The following TRIM33 variants were observed in gnomAD, a reference collection of about 807,000 sequenced individuals.
TRIM33 encodes E3 ubiquitin-protein ligase TRIM33.
In TRIM33, 20 loss-of-function variants were observed where a neutral mutation model predicts 125.4. The ratio of observed to expected loss-of-function variants is 0.16; its 90% confidence interval spans 0.11 to 0.23. The LOEUF (loss-of-function observed/expected upper bound fraction) is 0.23, where lower values mean the gene tolerates loss of function less well. Ranked by LOEUF, TRIM33 falls within the 10% of genes least tolerant of loss-of-function variation. The pLI is 1.00. For synonymous variants in TRIM33, 564 were observed against 513.9 expected (o/e 1.10, Z -1.32); for missense variants, 920 against 1,411.4 (o/e 0.65, Z 5.58).
At chr1:114,471,361 A>C (rs1237640886) in intron 1 of TRIM33, among the ~76,000 whole-genome samples, 1 of 151,934 alleles carries the variant, frequency 6.6e-6, no homozygotes, top group African/African-American at 2.4e-5. Flanking sequence ...GAACTGCTTG[A>C]ACCCAGGAGG....
At position 114,399,528 on chromosome 1, in the gene TRIM33, G is replaced by T. The variant is rs1217230832; in HGVS notation, c.3049C>A (p.His1017Asn). 5 of 1,613,236 alleles carry T rather than the reference G, an allele frequency of 3.1e-6. No individual in the cohort carries two copies. The highest frequency in any genetic ancestry group is 4.2e-6 in the Non-Finnish European group (5 of 1,179,482). Residue 1017 changes from histidine (H) to asparagine (N), a missense_variant, in exon 18 of 20, where the codon CAC becomes AAC. His to Asn is a moderately conservative substitution (Grantham distance 68). Coordinates refer to ENST00000358465, the MANE Select transcript of TRIM33 (RefSeq NM_015906.4). ...ACAAAGTCATCCGGGATTTGGTAGTGTTGGGAATGTTTTTTCTGAAGCTTC... is the reference window on the plus strand; with the variant it reads ...ACAAAGTCATCCGGGATTTGGTAGTTTTGGGAATGTTTTTTCTGAAGCTTC... ...KKKLQKKHSQHYQIPDDFVAD... is the reference protein window; with the variant it reads ...KKKLQKKHSQNYQIPDDFVAD...
Position 114,397,589 on chromosome 1 carries a change from G to GTTTTGTTTTTTTTTTT in TRIM33, c.*58_*59insAAAAAAAAAAACAAAA. On this transcript the variant is annotated 3_prime_UTR_variant, in exon 20 of 20. Transcript: ENST00000358465. ...CTTAAAAGTTTTCTGGGTTTTTTGTGTTTTTTTTTTTTTTTTCGTTTTTTT... is the reference window on the plus strand; with the variant it reads ...CTTAAAAGTTTTCTGGGTTTTTTGTGTTTTGTTTTTTTTTTTTTTTTTTTTTTTTTTTCGTTTTTTT... 2 of 637,680 alleles carry GTTTTGTTTTTTTTTTT rather than the reference G, an allele frequency of 3.1e-6. No homozygotes were observed. 39.5% of individuals were successfully genotyped at this position (637,680 alleles called of 1,614,324 possible).
chr1:114,476,059 G>C (rs1375121072), intron 1 of TRIM33, among the ~76,000 whole-genome samples: 2 of 151,774 alleles, frequency 1.3e-5, no homozygotes, highest in African/African-American at 4.8e-5. Context: ...TAGAAGTACA[G>C]TTTTCAAGTG....
intron 1 of TRIM33, among the ~76,000 whole-genome samples, chr1:114,494,160 C>T: frequency 6.6e-6 from 1 of 151,750 alleles, no homozygotes; most frequent in East Asian, 1.9e-4. Flanking sequence ...CAGGGCCTCA[C>T]TATGTTGCCC....
In TRIM33 at chr1:114,396,339, AT is replaced by A; in HGVS notation, c.*1308del. 1 of 204,136 alleles carries A rather than the reference AT, an allele frequency of 4.9e-6. No individual in the cohort carries two copies. Among genetic ancestry groups the A allele is most frequent in the Non-Finnish European group, 1.0e-5 (1 of 99,292 alleles). The allele number at this position is 204,136 out of a possible 1,614,324, so 12.6% of individuals were successfully genotyped here. A position where few individuals can be genotyped will look rare whatever the true frequency, so the allele number is the denominator to read the frequency against. Reference sequence around the variant, plus strand: ...TAACCATTCAAGTGGGGATTGGCTCATTTTCAGGATTTACTTACAGGTCTCT... The same window carrying A: ...TAACCATTCAAGTGGGGATTGGCTCATTTCAGGATTTACTTACAGGTCTCT... On this transcript the variant is annotated 3_prime_UTR_variant, in exon 20 of 20. Transcript: ENST00000358465.
intron 1 of TRIM33, among the ~76,000 whole-genome samples, chr1:114,494,064 C>G (rs1018412009): frequency 2.6e-5 from 4 of 152,106 alleles, no homozygotes; most frequent in African/African-American, 9.7e-5. Context: ...ACCTCGTGAT[C>G]TGCCCACCTT....
chr1:114,454,753 T>C (rs957522791), intron 4 of TRIM33, among the ~76,000 whole-genome samples: 2 of 151,624 alleles, frequency 1.3e-5, no homozygotes, highest in Non-Finnish European at 2.9e-5. Context: ...TACAAGAGAA[T>C]GTTAGGACAG....
rs1467350464 is a variant in TRIM33 at position 114,397,494 on chromosome 1, T to A, written c.*154A>T. 1.6e-6 allele frequency: 1 copy of A among 619,388 alleles called. No homozygotes were observed. The highest frequency in any genetic ancestry group is 1.9e-5 in the African/African-American group (1 of 54,006). The allele number at this position is 619,388 out of a possible 1,614,324, so 38.4% of individuals were successfully genotyped here. A position where few individuals can be genotyped will look rare whatever the true frequency, so the allele number is the denominator to read the frequency against. ...AATGTGTTTCTGTCCATTATTTCAA[T>A]CTAATACTGTGTAAAAGCTATCAGC... On this transcript the variant is annotated 3_prime_UTR_variant, in exon 20 of 20. Transcript: ENST00000358465.
chr1:114,430,699 C>T, intron 6 of TRIM33, 99 bp downstream of exon 6: 1 of 729,834 alleles, frequency 1.4e-6, no homozygotes, highest in South Asian at 1.5e-5. Context: ...CCTTTATTTC[C>T]ATACCCCCCA....
At position 114,405,505 on chromosome 1, in the gene TRIM33, A is replaced by T; in HGVS notation, c.2673T>A (p.Ala891=). 1.9e-6 allele frequency: 3 copies of T among 1,614,254 alleles called. No individual in the cohort carries two copies. The highest frequency in any genetic ancestry group is 2.5e-6 in the Non-Finnish European group (3 of 1,180,036). The change falls in exon 15 of 20, where the codon GCT becomes GCA. Residue 891 remains alanine (A), a synonymous_variant. Transcript: ENST00000358465. The stretch of plus-strand genomic sequence containing the variant: ...AGAGATCTCCTCCGTTTTGGCAGAC[A>T]GCACACCAGTCTTCATTTGGGTCAT... ...KDDDPNEDWC[A]VCQNGGDLLC...
intron 4 of TRIM33, among the ~76,000 whole-genome samples, chr1:114,456,837 G>T (rs1171252610): frequency 6.6e-6 from 1 of 152,150 alleles, no homozygotes; most frequent in African/African-American, 2.4e-5. Flanking sequence ...GTGATAAAAA[G>T]TTTGGGGAAT....
At chr1:114,467,707 A>C (rs913304086) in intron 1 of TRIM33, among the ~76,000 whole-genome samples, 10 of 152,178 alleles carry the variant, frequency 6.6e-5, no homozygotes, top group African/African-American at 2.4e-4. Flanking sequence ...CTTTTCCATT[A>C]ACCATTTATG....
chr1:114,493,116 C>T (rs969931672), intron 1 of TRIM33, among the ~76,000 whole-genome samples: 5 of 152,122 alleles, frequency 3.3e-5, no homozygotes, highest in African/African-American at 1.2e-4. Flanking sequence ...GTGGTATCTC[C>T]TTGTGGTTTT....
Position 114,510,877 on chromosome 1 carries a change from AC to A in TRIM33, c.199del (p.Val67TrpfsTer112), listed in dbSNP as rs1435755571. 39 of 1,448,256 alleles carry A rather than the reference AC, an allele frequency of 2.7e-5. No individual in the cohort carries two copies. Among genetic ancestry groups the A allele is most frequent in the South Asian group, 1.4e-4 (10 of 73,342 alleles). The allele number at this position is 1,448,256 out of a possible 1,614,324, so 89.7% of individuals were successfully genotyped here. ...GGCCGAGCCCGAGGAGGCCGCGGCC[AC>A]CCCCCCGTCGTCGGGCCCGGCCGCG... Reference protein sequence around the residue: ...GGAAGPDDGGVAAASSGSAQA... With the variant: ...GGAAGPDDGGXAAASSGSAQA... On this transcript the variant is annotated frameshift_variant, in exon 1 of 20. Transcript: ENST00000358465. LOFTEE classifies it high-confidence loss of function.
rs1455359254 is a variant in TRIM33, at chr1:114,405,570, T to A, written c.2608A>T (p.Arg870Trp). Residue 870 changes from arginine (R) to tryptophan (W), a missense_variant, in exon 15 of 20, where the codon AGG becomes TGG. Arg to Trp is a moderately radical substitution (Grantham distance 101, BLOSUM62 -3). This residue lies in a region of TRIM33 where 407 missense variants were observed against 589.7 expected (regional missense o/e 0.69). Coordinates refer to ENST00000358465, the MANE Select transcript of TRIM33 (RefSeq NM_015906.4). ...GKSPIRSLMH[R>W]SARIGGDGNN... ...CCATCTCCTCCAATCCTTGCCGACCTGTGCATGAGGCTTCGAATTGGGGAC... is the reference window on the plus strand; with the variant it reads ...CCATCTCCTCCAATCCTTGCCGACCAGTGCATGAGGCTTCGAATTGGGGAC... 1 of 1,614,112 alleles carries A rather than the reference T, an allele frequency of 6.2e-7. No individual in the cohort carries two copies. Among genetic ancestry groups the A allele is most frequent in the African/African-American group, 1.3e-5 (1 of 74,932 alleles).
chr1:114,495,371 C>T (rs1483535464), intron 1 of TRIM33, among the ~76,000 whole-genome samples: 3 of 152,038 alleles, frequency 2.0e-5, no homozygotes, highest in South Asian at 2.1e-4. Flanking sequence ...CACATTACCT[C>T]GGTGGCCTCA....
At chr1:114,489,986 C>T (rs574776713) in intron 1 of TRIM33, among the ~76,000 whole-genome samples, 2 of 148,922 alleles carry the variant, frequency 1.3e-5, no homozygotes, top group Admixed American at 1.4e-4. Flanking sequence ...CATGGTGGCT[C>T]ACACCTGTAA....
chr1:114,451,374 T>TAAAAAAAAAAAAA (rs11419050), intron 4 of TRIM33, among the ~76,000 whole-genome samples: 1 of 135,690 alleles, frequency 7.4e-6, no homozygotes. Context: ...TACCCTGCTT[T>TAAAAAAAAAAAAA]AAAAAAAAAA....
chr1:114,460,998 G>A lies in TRIM33; in HGVS notation c.923+2106C>T, dbSNP rs926940574. Among the ~76,000 whole-genome samples the A allele has an allele frequency of 2.0e-5, 3 of 151,786 alleles. No individual in the cohort carries two copies. The South Asian group carries it at 6.2e-4, about 31-fold the overall frequency. ...CAGCAAATGACCAAACTCAAGGAAG[G>A]GGTCGTGGGAACCGCCCCGCCCCAC... is the stretch of plus-strand genomic sequence containing the variant. On this transcript the variant is annotated intron_variant, in intron 4 of 19. Transcript: ENST00000358465.
Sources: gnomAD v4.1 joint callset for allele counts (sites outside exome capture counted in the v4.1 genomes callset) on GRCh38, gnomAD v4.1.1 for gene constraint, gnomAD v4.1.1 regional missense constraint, MANE v1.5 for transcripts, NCBI Gene and HGNC (gene_info 2026-07-23, HGNC 2026-07-21) for gene names.